Variants in SLC35D4 observed in about 807,000 individuals in gnomAD.
SLC35D4 encodes solute carrier family 35 member D4.
the SLC35D4 span, among the ~76,000 whole-genome samples, chr18:23,275,260 C>T: frequency 2.0e-5 from 3 of 152,156 alleles, no homozygotes; most frequent in Non-Finnish European, 4.4e-5. Context: ...AGGCTGCCAA[C>T]AGACCTTGGG....
At chr18:23,411,603 C>A in the SLC35D4 span, among the ~76,000 whole-genome samples, 9 of 151,912 alleles carry the variant, frequency 5.9e-5, no homozygotes, top group Admixed American at 2.0e-4. Flanking sequence ...AGACTGCAGA[C>A]CTTACCATGT....
the SLC35D4 span, among the ~76,000 whole-genome samples, chr18:23,382,133 G>A: frequency 3.3e-5 from 5 of 151,552 alleles, no homozygotes; most frequent in South Asian, 6.3e-4. Context: ...CCAGCTACTC[G>A]GGAGGCTGAG....
At chr18:23,340,572 T>C in the SLC35D4 span, among the ~76,000 whole-genome samples, 1 of 152,080 alleles carries the variant, frequency 6.6e-6, no homozygotes, top group Non-Finnish European at 1.5e-5. Context: ...ATTCTAACAA[T>C]GGAAAATATA....
the SLC35D4 span, among the ~76,000 whole-genome samples, chr18:23,430,971 T>C: frequency 6.6e-6 from 1 of 151,816 alleles, no homozygotes; most frequent in Non-Finnish European, 1.5e-5. Context: ...CTGGCCAATA[T>C]GGTGAAACCC....
chr18:23,257,201 T>A, the SLC35D4 span: 1 of 1,606,176 alleles, frequency 6.2e-7, no homozygotes, highest in African/African-American at 1.3e-5. Context: ...AAAATGAACA[T>A]GCTTTTGATT....
the SLC35D4 span, among the ~76,000 whole-genome samples, chr18:23,292,266 T>C: frequency 1.3e-4 from 20 of 152,308 alleles, no homozygotes; most frequent in South Asian, 4.1e-3. Context: ...TCCTCACCTA[T>C]CTGAACATGC....
At chr18:23,353,725 G>C in the SLC35D4 span, among the ~76,000 whole-genome samples, 1 of 152,194 alleles carries the variant, frequency 6.6e-6, no homozygotes, top group African/African-American at 2.4e-5. Flanking sequence ...AAAAGGCAAA[G>C]AGGGCCCGTG....
the SLC35D4 span, among the ~76,000 whole-genome samples, chr18:23,286,003 C>T: frequency 6.6e-6 from 1 of 152,176 alleles, no homozygotes; most frequent in African/African-American, 2.4e-5. Flanking sequence ...CGCTTTACAG[C>T]CCTAGACCCT....
chr18:23,362,836 G>C, the SLC35D4 span, among the ~76,000 whole-genome samples: 2 of 152,102 alleles, frequency 1.3e-5, no homozygotes. Flanking sequence ...ATACAATTTG[G>C]TGGCACCTGG....
chr18:23,388,678 T>A, the SLC35D4 span, among the ~76,000 whole-genome samples: 1 of 152,204 alleles, frequency 6.6e-6, no homozygotes, highest in Non-Finnish European at 1.5e-5. Context: ...CCCACCCAAA[T>A]CTTATGTCGA....
chr18:23,310,616 T>C, the SLC35D4 span, among the ~76,000 whole-genome samples: 65 of 152,222 alleles, frequency 4.3e-4, no homozygotes, highest in African/African-American at 1.5e-3. Context: ...TAGGCCAGGT[T>C]GGGAGAGGTT....
chr18:23,404,992 C>CAAACAAAA, the SLC35D4 span, among the ~76,000 whole-genome samples: 2 of 44,480 alleles, frequency 4.5e-5, no homozygotes, highest in Non-Finnish European at 4.5e-5. Context: ...GACTCCGTCT[C>CAAACAAAA]AAAAAAAAAA....
the SLC35D4 span, chr18:23,259,219 A>G: frequency 6.6e-6 from 1 of 152,150 alleles, no homozygotes; most frequent in East Asian, 1.9e-4. Context: ...GTCAGTGCCT[A>G]CAGGGGGAGA....
chr18:23,280,186 G>A, the SLC35D4 span, among the ~76,000 whole-genome samples: 1 of 151,830 alleles, frequency 6.6e-6, no homozygotes, highest in African/African-American at 2.4e-5. Context: ...GCTTGCAGAC[G>A]GGCCTCGGCT....
chr18:23,277,069 T>C, the SLC35D4 span, among the ~76,000 whole-genome samples: 11 of 152,240 alleles, frequency 7.2e-5, no homozygotes, highest in Non-Finnish European at 1.0e-4. Flanking sequence ...GCTGGGCAGC[T>C]CAGCTGGTCT....
the SLC35D4 span, among the ~76,000 whole-genome samples, chr18:23,312,831 G>T: frequency 6.6e-6 from 1 of 152,058 alleles, no homozygotes; most frequent in African/African-American, 2.4e-5. Flanking sequence ...ACAAAGGGTG[G>T]AAAGAACCTG....
At chr18:23,416,794 T>C in the SLC35D4 span, among the ~76,000 whole-genome samples, 1 of 152,228 alleles carries the variant, frequency 6.6e-6, no homozygotes, top group Non-Finnish European at 1.5e-5. Flanking sequence ...TCACAGATAT[T>C]CCGAGATACG....
At chr18:23,341,234 T>C in the SLC35D4 span, among the ~76,000 whole-genome samples, 1 of 152,244 alleles carries the variant, frequency 6.6e-6, no homozygotes, top group African/African-American at 2.4e-5. Flanking sequence ...TCTTAAATTT[T>C]TTCTCAAATG....
At chr18:23,293,723 A>G in the SLC35D4 span, among the ~76,000 whole-genome samples, 1 of 152,240 alleles carries the variant, frequency 6.6e-6, no homozygotes, top group Non-Finnish European at 1.5e-5. Flanking sequence ...TATTTTCTGT[A>G]ACACTCCCCT....
Sources: gnomAD v4.1 joint callset for allele counts (sites outside exome capture counted in the v4.1 genomes callset) on GRCh38, gnomAD v4.1.1 for gene constraint, MANE v1.5 for transcripts, NCBI Gene and HGNC (gene_info 2026-07-23, HGNC 2026-07-21) for gene names.